The following DTHD1 variants were observed in gnomAD, a reference collection of about 807,000 sequenced individuals.
The protein encoded by DTHD1 is death domain containing 1, also known as death domain-containing protein 1.
In DTHD1, 59 loss-of-function variants were observed where a neutral mutation model predicts 74.8. The observed-to-expected ratio is 0.79, with a 90% confidence interval of 0.64 to 0.98. DTHD1 has a LOEUF of 0.98. DTHD1 is among the 50% of genes least tolerant of loss of function. The pLI, the probability that DTHD1 is intolerant of heterozygous loss-of-function variation, is 0.00. For synonymous variants in DTHD1, 365 were observed against 371.1 expected (o/e 0.98, Z 0.19); for missense variants, 1,051 against 1,065.4 (o/e 0.99, Z 0.19).
At chr4:36,319,289 C>T (rs1034543220) in intron 8 of DTHD1, among the ~76,000 whole-genome samples, 5 of 152,112 alleles carry the variant, frequency 3.3e-5, no homozygotes, top group Admixed American at 2.0e-4. Context: ...ATATCTATGA[C>T]TTGGTGAATA....
intron 8 of DTHD1, among the ~76,000 whole-genome samples, chr4:36,319,186 A>G (rs1394515562): frequency 6.6e-6 from 1 of 152,156 alleles, no homozygotes; most frequent in Non-Finnish European, 1.5e-5. Context: ...CTTCTTTAAA[A>G]AGCAAACTCC....
At chr4:36,286,875 T>G (rs1755745109) in intron 2 of DTHD1, among the ~76,000 whole-genome samples, 1 of 152,224 alleles carries the variant, frequency 6.6e-6, no homozygotes, top group Admixed American at 6.5e-5. Flanking sequence ...TATTATAATT[T>G]TTAAGACCAC....
chr4:36,300,655 T>TC (rs1756709921), intron 5 of DTHD1, among the ~76,000 whole-genome samples: 5 of 152,258 alleles, frequency 3.3e-5, no homozygotes, highest in South Asian at 2.1e-4. Flanking sequence ...AATTTGTTAT[T>TC]TATAATTCTG....
intron 5 of DTHD1, among the ~76,000 whole-genome samples, chr4:36,297,938 G>C (rs1051427047): frequency 1.0e-5 from 1 of 96,060 alleles, no homozygotes; most frequent in African/African-American, 3.1e-5. Context: ...GTGTGTGCAC[G>C]TGTGTGTGTG....
chr4:36,294,055 G>A (rs1240869870), intron 4 of DTHD1, among the ~76,000 whole-genome samples: 2 of 151,706 alleles, frequency 1.3e-5, no homozygotes, highest in African/African-American at 2.4e-5. Context: ...TTTGATCAGC[G>A]AGGATGACAA....
At chr4:36,309,046 A>G (rs1413146905) in intron 7 of DTHD1, among the ~76,000 whole-genome samples, 1 of 152,170 alleles carries the variant, frequency 6.6e-6, no homozygotes, top group East Asian at 1.9e-4. Flanking sequence ...TTTTTATTCC[A>G]TGTATTTTAT....
At chr4:36,283,186 G>T (rs1755496996) in intron 1 of DTHD1, among the ~76,000 whole-genome samples, 1 of 152,190 alleles carries the variant, frequency 6.6e-6, no homozygotes, top group Admixed American at 6.5e-5. Context: ...AAGTCATCAG[G>T]TGACCTCAGT....
chr4:36,316,371 T>C lies in DTHD1; in HGVS notation c.2225T>C (p.Ile742Thr), dbSNP rs1287950284. 1.3e-6 allele frequency: 2 copies of C among 1,552,178 alleles called. No homozygotes were observed. The highest frequency in any genetic ancestry group is 1.7e-6 in the Non-Finnish European group (2 of 1,147,078). The change falls in exon 8 of 10, where the codon ATT becomes ACT. Residue 742 changes from isoleucine (I) to threonine (T), a missense_variant. Physicochemically the swap from Ile to Thr is moderately conservative, Grantham distance 89 (BLOSUM62 -1). Coordinates refer to ENST00000639862, the MANE Select transcript of DTHD1 (RefSeq NM_001170700.3). ...NYSCPHYKGT[I>T]VVYKVPKGKI... is the part of the protein sequence containing the mutation. ...AGTTGCCCTCATTACAAAGGCACCATTGTCGTTTATAAAGTACCTAAAGGA... is the reference window on the plus strand; with the variant it reads ...AGTTGCCCTCATTACAAAGGCACCACTGTCGTTTATAAAGTACCTAAAGGA...
At chr4:36,297,372 TAGG>T (rs1193039201) in intron 5 of DTHD1, among the ~76,000 whole-genome samples, 1 of 152,254 alleles carries the variant, frequency 6.6e-6, no homozygotes, top group East Asian at 1.9e-4. Flanking sequence ...ATCATCTATC[TAGG>T]AGTACAGCGT....
intron 2 of DTHD1, among the ~76,000 whole-genome samples, chr4:36,285,676 C>A (rs1214776465): frequency 6.6e-6 from 1 of 151,382 alleles, no homozygotes; most frequent in African/African-American, 2.4e-5. Flanking sequence ...GGGCATCAGA[C>A]AAACTTAAAT....
chr4:36,326,070 T>A (rs1758325783), intron 8 of DTHD1, among the ~76,000 whole-genome samples: 1 of 152,092 alleles, frequency 6.6e-6, no homozygotes, highest in Admixed American at 6.6e-5. Context: ...TATATTACAT[T>A]TCCCCAACTA....
chr4:36,292,230 A>T (rs1047418209), intron 3 of DTHD1, among the ~76,000 whole-genome samples: 1 of 152,208 alleles, frequency 6.6e-6, no homozygotes, highest in African/African-American at 2.4e-5. Context: ...AACTATCACA[A>T]TACAAGCAAA....
At chr4:36,329,649 C>T (rs1360540832) in intron 8 of DTHD1, among the ~76,000 whole-genome samples, 1 of 152,152 alleles carries the variant, frequency 6.6e-6, no homozygotes, top group African/African-American at 2.4e-5. Flanking sequence ...CTGCTGTTTC[C>T]CAAATTTTGG....
Position 36,284,460 on chromosome 4 carries a change from G to A in DTHD1, c.756G>A (p.Glu252=), listed in dbSNP as rs1227530252. The A allele has an allele frequency of 6.5e-7, 1 of 1,536,930 alleles. No individual in the cohort carries two copies. Among genetic ancestry groups the A allele is most frequent in the Admixed American group, 2.0e-5 (1 of 50,978 alleles). The change falls in exon 2 of 10, where the codon GAG becomes GAA. Residue 252 remains glutamate (E), a synonymous_variant. Transcript: ENST00000639862. ...IIQTTETEIQ[E]TSESPREEMT... is the part of the protein sequence containing the mutation. ...AGACAACAGAGACAGAAATTCAAGAGACTTCAGAAAGCCCAAGAGAAGAGA... is the reference window on the plus strand; with the variant it reads ...AGACAACAGAGACAGAAATTCAAGAAACTTCAGAAAGCCCAAGAGAAGAGA...
At chr4:36,291,510 G>A (rs1424465996) in intron 3 of DTHD1, among the ~76,000 whole-genome samples, 3 of 152,176 alleles carry the variant, frequency 2.0e-5, no homozygotes, top group African/African-American at 7.2e-5. Flanking sequence ...CATATGCTGT[G>A]AAGAGAGAAT....
chr4:36,294,531 T>C (rs1051133734), intron 4 of DTHD1, among the ~76,000 whole-genome samples: 17 of 152,040 alleles, frequency 1.1e-4, no homozygotes, highest in African/African-American at 3.9e-4. Flanking sequence ...TTTTGTTGCC[T>C]GCAATTAAGT....
intron 7 of DTHD1, among the ~76,000 whole-genome samples, chr4:36,313,986 AT>A (rs1223296899): frequency 6.6e-6 from 1 of 150,516 alleles, no homozygotes; most frequent in Non-Finnish European, 1.5e-5. Context: ...ATGACCCCAA[AT>A]AGTCTACTTT....
At chr4:36,289,568 C>A (rs1470437595) in intron 2 of DTHD1, among the ~76,000 whole-genome samples, 1 of 152,010 alleles carries the variant, frequency 6.6e-6, no homozygotes, top group Non-Finnish European at 1.5e-5. Flanking sequence ...ATGTTAGTAG[C>A]ACCTACCTAA....
chr4:36,298,424 A>G (rs1212641299), intron 5 of DTHD1, among the ~76,000 whole-genome samples: 2 of 152,198 alleles, frequency 1.3e-5, no homozygotes, highest in African/African-American at 4.8e-5. Context: ...ATACATTACA[A>G]TGTGCTATGT....
Sources: gnomAD v4.1 joint callset for allele counts (sites outside exome capture counted in the v4.1 genomes callset) on GRCh38, gnomAD v4.1.1 for gene constraint, MANE v1.5 for transcripts, NCBI Gene and HGNC (gene_info 2026-07-23, HGNC 2026-07-21) for gene names.